SMC6: variants seen among roughly 807,000 people sequenced by gnomAD.
SMC6 encodes the protein structural maintenance of chromosomes 6.
A neutral mutation model predicts 142.2 loss-of-function variants in SMC6; 79 were observed. The ratio of observed to expected loss-of-function variants is 0.56; its 90% CI spans 0.46 to 0.67. The LOEUF is 0.67. SMC6 is among the 30% of genes least tolerant of loss of function. The probability of loss-of-function intolerance (pLI) is 0.00; values close to 1 mark genes in which losing one functional copy is unlikely to be tolerated. For synonymous variants in SMC6, 411 were observed against 412.4 expected, an observed-to-expected ratio of 1.00 and a Z score of 0.04; for missense variants, 1,072 against 1,284.0, an observed-to-expected ratio of 0.83 and a Z score of 2.52.
intron 16 of SMC6, 137 bp from the exon 17 acceptor site, chr2:17,708,890 G>A (rs957123467): frequency 1.4e-4 from 41 of 297,132 alleles, no homozygotes; most frequent in African/African-American, 7.7e-4. Flanking sequence ...TAAATAACAA[G>A]ACAATATCAA....
At chr2:17,747,974 C>T (rs543403570) in intron 2 of SMC6, among the ~76,000 whole-genome samples, 2 of 152,288 alleles carry the variant, frequency 1.3e-5, no homozygotes, top group Non-Finnish European at 2.9e-5. Context: ...CAGTTTTGGC[C>T]TTGTAGATCC....
intron 24 of SMC6, chr2:17,680,210 A>C (rs549697045): frequency 6.6e-6 from 1 of 152,332 alleles, no homozygotes; most frequent in African/African-American, 2.4e-5. Context: ...GACTGGGTAA[A>C]CAATATGAAA....
chr2:17,742,361 T>C (rs748776705), intron 3 of SMC6, among the ~76,000 whole-genome samples: 1 of 152,240 alleles, frequency 6.6e-6, no homozygotes, highest in Non-Finnish European at 1.5e-5. Flanking sequence ...TCACTTATTA[T>C]GGCAACTGTG....
intron 23 of SMC6, among the ~76,000 whole-genome samples, chr2:17,688,608 T>C (rs1240371569): frequency 1.3e-5 from 2 of 152,092 alleles, no homozygotes; most frequent in East Asian, 1.9e-4. Context: ...TAAATGACTA[T>C]AGTCCATTGA....
rs780388886 is a variant in SMC6 at position 17,695,260 on chromosome 2, C to T, written c.2570G>A (p.Arg857His). The change falls in exon 23 of 28, where the codon CGT becomes CAT. Residue 857 changes from arginine to histidine, a missense_variant. By Grantham distance (29) the Arg-to-His change is conservative. Transcript: ENST00000448223. ...TGATGCAGATTTTTCTACTTCTATA[C>T]GCTCTGGGCAGATTTGTCTTGCTTG... is the stretch of plus-strand genomic sequence containing the variant. ...MSQARQICPERIEVEKSASIL... is the reference protein window; with the variant it reads ...MSQARQICPEHIEVEKSASIL... 6.8e-6 allele frequency: 11 copies of T among 1,613,334 alleles called. No individual in the cohort carries two copies. Among genetic ancestry groups the T allele is most frequent in the Middle Eastern group, 1.7e-4 (1 of 6,056 alleles).
intron 2 of SMC6, among the ~76,000 whole-genome samples, chr2:17,750,058 G>A (rs567185820): frequency 1.1e-4 from 17 of 152,252 alleles, no homozygotes; most frequent in African/African-American, 4.1e-4. Flanking sequence ...GAAATTATAT[G>A]AGACTTATTC....
chr2:17,676,284 A>T (rs1666991561), intron 25 of SMC6, among the ~76,000 whole-genome samples: 1 of 152,116 alleles, frequency 6.6e-6, no homozygotes, highest in African/African-American at 2.4e-5. Flanking sequence ...TATGTTCTTT[A>T]ACAAATTAAT....
chr2:17,721,699 C>CTT (rs370093937), intron 9 of SMC6, among the ~76,000 whole-genome samples: 105 of 142,584 alleles, frequency 7.4e-4, no homozygotes, highest in Admixed American at 8.4e-4. Flanking sequence ...ACTAAGTTCA[C>CTT]TTTTTTTTTT....
At chr2:17,690,494 T>C (rs917524321) in intron 23 of SMC6, among the ~76,000 whole-genome samples, 10 of 152,052 alleles carry the variant, frequency 6.6e-5, no homozygotes, top group African/African-American at 1.7e-4. Flanking sequence ...CTCAGGAGAC[T>C]GAGGCAGGAT....
At chr2:17,745,718 T>A (rs1670710957) in intron 3 of SMC6, 109 bp downstream of exon 3, 1 of 1,216,840 alleles carries the variant, frequency 8.2e-7, no homozygotes, top group African/African-American at 1.6e-5. Context: ...CCTCAACTTT[T>A]AAAAAATCAT....
At chr2:17,722,963 C>A (rs889213785) in intron 9 of SMC6, among the ~76,000 whole-genome samples, 5 of 143,014 alleles carry the variant, frequency 3.5e-5, no homozygotes, top group Non-Finnish European at 6.1e-5. Flanking sequence ...ATAAGCACCT[C>A]AAAATTAATG....
At chr2:17,711,604 CATG>C (rs1668828099) in intron 16 of SMC6, among the ~76,000 whole-genome samples, 1 of 151,974 alleles carries the variant, frequency 6.6e-6, no homozygotes, top group East Asian at 1.9e-4. Flanking sequence ...AGGAAAAAAA[CATG>C]ATTAAAATTT....
chr2:17,681,191 CTT>C (rs932137887), intron 24 of SMC6: 6 of 152,434 alleles, frequency 3.9e-5, no homozygotes, highest in African/African-American at 1.4e-4. Flanking sequence ...GCTTCCTCAC[CTT>C]TCTCAGCCTT....
At chr2:17,727,507 A>T (rs1345313702) in intron 7 of SMC6, among the ~76,000 whole-genome samples, 1 of 594 alleles carries the variant, frequency 1.7e-3, no homozygotes, top group East Asian at 0.056. Flanking sequence ...ACTCCTCTTT[A>T]TATATATATA....
chr2:17,739,003 T>C (rs975939779), intron 4 of SMC6, among the ~76,000 whole-genome samples: 1 of 147,254 alleles, frequency 6.8e-6, no homozygotes, highest in East Asian at 1.9e-4. Flanking sequence ...AGGAATATTG[T>C]CTCTTTCATT....
Position 17,696,400 on chromosome 2 carries a change from T to C in SMC6, c.2421A>G (p.Glu807=), listed in dbSNP as rs1016679216. The part of the protein sequence containing the change: ...LKDELNLADS[E]VDNQKRGKRH... ...GTTTCCCTCGTTTTTGGTTATCCAC[T>C]TCAGAATCAGCAAGGTTTAATTCAT... Residue 807 remains glutamate (E), a synonymous_variant, in exon 22 of 28, where the codon GAA becomes GAG. Transcript: ENST00000448223. 1 of 1,610,200 alleles carries C rather than the reference T, an allele frequency of 6.2e-7. No individual in the cohort carries two copies. Among genetic ancestry groups the C allele is most frequent in the African/African-American group, 1.3e-5 (1 of 74,666 alleles).
chr2:17,716,563 G>A (rs1669095939), intron 14 of SMC6, among the ~76,000 whole-genome samples, 178 bp downstream of exon 14: 1 of 152,140 alleles, frequency 6.6e-6, no homozygotes, highest in Non-Finnish European at 1.5e-5. Context: ...CTGGCTGTAG[G>A]TGCACTGCCA....
At chr2:17,693,355 C>T (rs1007605359) in intron 23 of SMC6, among the ~76,000 whole-genome samples, 1 of 152,202 alleles carries the variant, frequency 6.6e-6, no homozygotes, top group African/African-American at 2.4e-5. Flanking sequence ...CCATGGAATA[C>T]TATGCAGCCA....
chr2:17,721,076 C>A (rs1226081916), intron 10 of SMC6, 38 bp from the exon 11 acceptor site: 17 of 1,612,142 alleles, frequency 1.1e-5, no homozygotes, highest in Admixed American at 3.3e-5. Flanking sequence ...ATCAGATTAA[C>A]AATAATAACC....
Sources: allele counts gnomAD v4.1 joint callset (sites outside exome capture counted in the v4.1 genomes callset), GRCh38; gene constraint gnomAD v4.1.1; transcripts MANE v1.5; gene names NCBI Gene and HGNC (gene_info 2026-07-23, HGNC 2026-07-21).